Variants in KCNMB3 observed in about 807,000 individuals in gnomAD.
KCNMB3 encodes the protein calcium-activated potassium channel subunit beta-3.
A neutral mutation model predicts 11.9 loss-of-function variants in KCNMB3; 18 were observed. That is an observed-to-expected ratio of 1.51 (90% CI 1.04 to 2.23). KCNMB3 has a LOEUF of 2.23. Ranked by LOEUF, KCNMB3 falls within the 30% of genes most tolerant of loss-of-function variation. KCNMB3 has a pLI of 0.00. For synonymous variants in KCNMB3, 78 were observed against 119.2 expected (o/e 0.65, Z 2.25); for missense variants, 247 against 329.4 (o/e 0.75, Z 1.94).
At chr3:179,245,941 A>G (rs1423881242) in intron 1 of KCNMB3, among the ~76,000 whole-genome samples, 1 of 152,234 alleles carries the variant, frequency 6.6e-6, no homozygotes, top group East Asian at 1.9e-4. Flanking sequence ...ATATGTATGA[A>G]ATAATTTGAA....
intron 1 of KCNMB3, among the ~76,000 whole-genome samples, chr3:179,265,002 A>G (rs534324808): frequency 6.6e-6 from 1 of 152,346 alleles, no homozygotes; most frequent in South Asian, 2.1e-4. Flanking sequence ...TCAGTTGTGC[A>G]TTTCAGAAAT....
chr3:179,251,824 C>T (rs149169507), upstream of KCNMB3, among the ~76,000 whole-genome samples: 8 of 152,224 alleles, frequency 5.3e-5, no homozygotes, highest in East Asian at 1.4e-3. Context: ...CAGGTTCAAG[C>T]GATTCTCCTG....
At chr3:179,253,810 A>C (rs1725926248), upstream of KCNMB3, among the ~76,000 whole-genome samples, 1 of 152,100 alleles carries the variant, frequency 6.6e-6, no homozygotes, top group African/African-American at 2.4e-5. Context: ...CATCTCAAAA[A>C]AAAAAGTAAA....
At chr3:179,265,811 C>T (rs983659821) in intron 1 of KCNMB3, among the ~76,000 whole-genome samples, 1 of 152,194 alleles carries the variant, frequency 6.6e-6, no homozygotes, top group Non-Finnish European at 1.5e-5. Flanking sequence ...ACTCTTCTCT[C>T]CATTTTGGTT....
chr3:179,265,505 G>A (rs936613609), intron 1 of KCNMB3, among the ~76,000 whole-genome samples: 1 of 152,164 alleles, frequency 6.6e-6, no homozygotes, highest in Non-Finnish European at 1.5e-5. Flanking sequence ...CGCCCAGGCT[G>A]GAGTGCAATG....
chr3:179,262,789 C>T (rs7622256), intron 1 of KCNMB3, among the ~76,000 whole-genome samples: 14,771 of 152,148 alleles, frequency 0.097, 989 homozygotes, highest in African/African-American at 0.18. Context: ...TGGACACAAA[C>T]GTTTTCCAAG....
At chr3:179,254,061 G>A (rs1336840132), upstream of KCNMB3, among the ~76,000 whole-genome samples, 4 of 152,170 alleles carry the variant, frequency 2.6e-5, no homozygotes, top group African/African-American at 7.2e-5. Flanking sequence ...GGGCATTTGC[G>A]GAACTTGGTG....
At chr3:179,259,996 C>T in intron 1 of KCNMB3, 2 of 1,612,842 alleles carry the variant, frequency 1.2e-6, no homozygotes, top group South Asian at 2.2e-5. Context: ...TCCTTGGGCT[C>T]AGCTGCTTCC....
upstream of KCNMB3, among the ~76,000 whole-genome samples, chr3:179,255,623 A>G (rs748740400): frequency 6.6e-6 from 1 of 152,192 alleles, no homozygotes; most frequent in African/African-American, 2.4e-5. Flanking sequence ...TCTATTCAGA[A>G]TTCCAGAAGA....
Position 179,242,770 on chromosome 3 carries a change from AT to A in KCNMB3, c.*133del. On this transcript the variant is annotated 3_prime_UTR_variant, in exon 3 of 3. Coordinates refer to ENST00000392685, the MANE Select transcript of KCNMB3 (RefSeq NM_171830.2). ...ATAGAATACAAAATGAGGCTTTTAA[AT>A]TTTTTCCCACATGAAAATATGATAC... is the stretch of plus-strand genomic sequence containing the variant. 7.4e-7 allele frequency: 1 copy of A among 1,354,018 alleles called. No homozygotes were observed. The highest frequency in any genetic ancestry group is 9.7e-7 in the Non-Finnish European group (1 of 1,027,268). The allele number at this position is 1,354,018 out of a possible 1,614,324, so 83.9% of individuals were successfully genotyped here.
chr3:179,261,273 A>C, intron 1 of KCNMB3: 1 of 1,301,488 alleles, frequency 7.7e-7, no homozygotes, highest in Non-Finnish European at 9.9e-7. Flanking sequence ...GGGCTGGTCA[A>C]CCTGCTGGGC....
chr3:179,254,513 T>C (rs1340351535), upstream of KCNMB3, among the ~76,000 whole-genome samples: 6 of 152,114 alleles, frequency 3.9e-5, no homozygotes, highest in Non-Finnish European at 5.9e-5. Flanking sequence ...AACTTAGGCC[T>C]TAAAAGAATT....
intron 1 of KCNMB3, chr3:179,259,258 T>G (rs1202114127): frequency 6.5e-6 from 10 of 1,534,954 alleles, no homozygotes; most frequent in Non-Finnish European, 7.8e-6. Context: ...CTTTCATTTT[T>G]GGGTACGGTG....
chr3:179,260,162 C>T lies in KCNMB3; in HGVS notation c.62+6487G>A, dbSNP rs988310189. On this transcript the variant is annotated intron_variant, in intron 1 of 3. Coordinates refer to the KCNMB3 transcript ENST00000349697. ...CTGCCTGCTCTCCAACCTGAGTCAC[C>T]GCTGCCTCTCCCACATTCTCTGTGT... The T allele has an allele frequency of 8.1e-6, 13 of 1,611,126 alleles. No individual in the cohort carries two copies. In the South Asian group the frequency reaches 8.8e-5, roughly 11 times the overall value.
At chr3:179,259,789 C>A in intron 1 of KCNMB3, 1 of 1,602,638 alleles carries the variant, frequency 6.2e-7, no homozygotes, top group South Asian at 1.1e-5. Flanking sequence ...TTCTTTTCTT[C>A]ATCTGGCTCT....
intron 1 of KCNMB3, among the ~76,000 whole-genome samples, chr3:179,245,520 G>C (rs928924584): frequency 1.3e-5 from 2 of 151,328 alleles, no homozygotes; most frequent in East Asian, 1.9e-4. Flanking sequence ...TTTTTGGGGG[G>C]GGGGATGGAG....
At chr3:179,265,080 C>T (rs367863857) in intron 1 of KCNMB3, among the ~76,000 whole-genome samples, 3 of 152,108 alleles carry the variant, frequency 2.0e-5, no homozygotes, top group Non-Finnish European at 2.9e-5. Context: ...AATTGTGTGA[C>T]GTATGGGACA....
intron 1 of KCNMB3, among the ~76,000 whole-genome samples, chr3:179,261,512 C>T (rs764877161): frequency 6.6e-6 from 1 of 151,952 alleles, no homozygotes; most frequent in African/African-American, 2.4e-5. Flanking sequence ...TGAGCCTGGC[C>T]GGGGGTGGAA....
intron 1 of KCNMB3, among the ~76,000 whole-genome samples, chr3:179,266,422 G>A (rs1270788184): frequency 6.6e-6 from 1 of 152,206 alleles, no homozygotes; most frequent in Non-Finnish European, 1.5e-5. Flanking sequence ...AAGGTCTCCA[G>A]TCTCCAAGAA....
Sources: allele counts gnomAD v4.1 joint callset (sites outside exome capture counted in the v4.1 genomes callset), GRCh38; gene constraint gnomAD v4.1.1; transcripts MANE v1.5; gene names NCBI Gene and HGNC (gene_info 2026-07-23, HGNC 2026-07-21).